The following STIL variants were observed in gnomAD, a reference collection of about 807,000 sequenced individuals.
STIL encodes SCL-interrupting locus protein.
In STIL, 55 loss-of-function variants were observed where a neutral mutation model predicts 110.1. The ratio of observed to expected loss-of-function variants is 0.50; its 90% CI spans 0.40 to 0.63. STIL has a LOEUF of 0.63. Among genes scored for constraint, STIL ranks in the 20% least tolerant of loss-of-function variants. The pLI is 0.00. For synonymous variants in STIL, 481 were observed against 530.0 expected, an observed-to-expected ratio of 0.91 and a Z score of 1.27; for missense variants, 1,358 against 1,530.0, an observed-to-expected ratio of 0.89 and a Z score of 1.87.
At chr1:47,267,443 A>T (rs1644685124) in intron 14 of STIL, among the ~76,000 whole-genome samples, 1 of 151,972 alleles carries the variant, frequency 6.6e-6, no homozygotes, top group Admixed American at 6.6e-5. Flanking sequence ...AGTGGCTCAT[A>T]CCAGTAATCC....
chr1:47,255,135 A>G (rs1644293979), intron 16 of STIL, among the ~76,000 whole-genome samples: 1 of 152,118 alleles, frequency 6.6e-6, no homozygotes, highest in Admixed American at 6.5e-5. Flanking sequence ...CTAAAAAAAA[A>G]ATCAATAATA....
At position 47,287,735 on chromosome 1, in the gene STIL, A is replaced by G. The variant is rs1045098198; in HGVS notation, c.1024-75T>C. On this transcript the variant is annotated intron_variant, in intron 9 of 16. Coordinates refer to ENST00000371877, the MANE Select transcript of STIL (RefSeq NM_001048166.1). ...AGAGAATTCTATTTAGATGAAAAGT[A>G]GCTCTGAAACACTAGATGATGGAGT... 7 of 1,147,864 alleles carry G rather than the reference A, an allele frequency of 6.1e-6. No individual in the cohort carries two copies. The African/African-American group carries it at 7.5e-5, about 12-fold the overall frequency. 71.1% of individuals were successfully genotyped at this position (1,147,864 alleles called of 1,614,324 possible). A position where few individuals can be genotyped will look rare whatever the true frequency, so the allele number is the denominator to read the frequency against.
At chr1:47,289,715 G>A in intron 8 of STIL, 130 bp from the exon 9 acceptor site, 2 of 855,936 alleles carry the variant, frequency 2.3e-6, no homozygotes, top group South Asian at 3.0e-5. Context: ...AAAAACTGGG[G>A]TCCACCACTT....
In STIL at chr1:47,287,599, G is replaced by T. The variant is rs769738843; in HGVS notation, c.1085C>A (p.Ala362Glu). 1 of 1,612,348 alleles carries T rather than the reference G, an allele frequency of 6.2e-7. No individual in the cohort carries two copies. The highest frequency in any genetic ancestry group is 8.5e-7 in the Non-Finnish European group (1 of 1,179,208). Reference protein sequence around the residue: ...RCELSAESQNAETEFFSKASK... With the variant: ...RCELSAESQNEETEFFSKASK... ...AGCCTTACTGAAAAACTCTGTTTCT[G>T]CATTTTGGCTTTCAGCGCTCAGTTC... The change falls in exon 10 of 17, where the codon GCA becomes GAA. Residue 362 changes from alanine (A) to glutamate (E), a missense_variant. By Grantham distance (107) the Ala-to-Glu change is moderately radical. Coordinates refer to ENST00000371877, the MANE Select transcript of STIL (RefSeq NM_001048166.1).
upstream of STIL, among the ~76,000 whole-genome samples, chr1:47,314,894 G>C (rs889051211): frequency 3.5e-4 from 51 of 144,616 alleles, no homozygotes; most frequent in Non-Finnish European, 7.2e-4. Flanking sequence ...ACCACGCCCG[G>C]CTAATTTTTT....
At chr1:47,266,947 A>G (rs1480490524) in intron 14 of STIL, among the ~76,000 whole-genome samples, 1 of 152,200 alleles carries the variant, frequency 6.6e-6, no homozygotes, top group Non-Finnish European at 1.5e-5. Flanking sequence ...CCTGTATCTC[A>G]GACTTCATTT....
At chr1:47,252,681 C>A (rs535384837) in intron 16 of STIL, among the ~76,000 whole-genome samples, 1 of 151,560 alleles carries the variant, frequency 6.6e-6, no homozygotes. Context: ...ACAGTACAAG[C>A]TTTAGTAAGT....
chr1:47,267,732 C>T (rs1644696364), intron 14 of STIL, among the ~76,000 whole-genome samples: 1 of 102,344 alleles, frequency 9.8e-6, no homozygotes, highest in Non-Finnish European at 2.1e-5. Flanking sequence ...TGTTTTGAGA[C>T]TTAGTCTTGC....
At chr1:47,282,716 A>C (rs1645186323) in intron 10 of STIL, 1 of 409,418 alleles carries the variant, frequency 2.4e-6, no homozygotes, top group Non-Finnish European at 4.5e-6. Context: ...ACAATAAATC[A>C]AGTCACTGGG....
intron 16 of STIL, among the ~76,000 whole-genome samples, chr1:47,255,540 C>A (rs1439977481): frequency 3.3e-5 from 4 of 119,946 alleles, no homozygotes; most frequent in South Asian, 3.8e-4. Context: ...CAGAGCGAGA[C>A]CCTGTCTCTC....
At chr1:47,271,828 A>G (rs1644849683) in intron 13 of STIL, among the ~76,000 whole-genome samples, 1 of 147,426 alleles carries the variant, frequency 6.8e-6, no homozygotes, top group Non-Finnish European at 1.5e-5. Context: ...AACAAAAAAC[A>G]AAAAAAAAAC....
intron 6 of STIL, among the ~76,000 whole-genome samples, chr1:47,298,590 T>C (rs1645707807): frequency 6.6e-6 from 1 of 151,812 alleles, no homozygotes; most frequent in African/African-American, 2.4e-5. Context: ...ATGAATTCTC[T>C]AGCCTCCCTT....
chr1:47,305,725 CTTTTTT>C (rs71572652), intron 2 of STIL, among the ~76,000 whole-genome samples: 6 of 43,418 alleles, frequency 1.4e-4, no homozygotes, highest in Non-Finnish European at 3.7e-5. Flanking sequence ...CACGCCTGGC[CTTTTTT>C]TTTTTTTTTT....
intron 5 of STIL, 100 bp downstream of exon 5, chr1:47,301,461 T>A: frequency 7.6e-7 from 1 of 1,319,934 alleles, no homozygotes; most frequent in Non-Finnish European, 1.1e-6. Flanking sequence ...AACCAAATTA[T>A]TGTAAATCAT....
Position 47,280,978 on chromosome 1 carries a change from G to A in STIL, c.1480C>T (p.Gln494Ter). The change falls in exon 12 of 17, where the codon CAG (glutamine) becomes TAG (stop). Residue 494 changes from glutamine (Q) to a stop codon, truncating the protein, a stop_gained. Coordinates refer to ENST00000371877, the MANE Select transcript of STIL (RefSeq NM_001048166.1). LOFTEE classifies it high-confidence loss of function. ...SLRGIPNQLNQDKPALLRHCK... is the reference protein window; with the variant it reads ...SLRGIPNQLN The stretch of plus-strand genomic sequence containing the variant: ...TGTCTCAAAAGAGCTGGTTTATCCT[G>A]GTTTAACTGATTTGGTATTCCTCTC... 1 of 1,614,008 alleles carries A rather than the reference G, an allele frequency of 6.2e-7. No individual in the cohort carries two copies. Among genetic ancestry groups the A allele is most frequent in the Non-Finnish European group, 8.5e-7 (1 of 1,179,988 alleles).
chr1:47,278,308 T>G (rs866568411), intron 12 of STIL, among the ~76,000 whole-genome samples: 9 of 152,272 alleles, frequency 5.9e-5, no homozygotes, highest in Admixed American at 2.0e-4. Flanking sequence ...GTTCTATATA[T>G]ACTTATATAA....
At chr1:47,265,253 A>AAAAAAAAAAAC in intron 14 of STIL, among the ~76,000 whole-genome samples, 1 of 149,710 alleles carries the variant, frequency 6.7e-6, no homozygotes, top group African/African-American at 2.4e-5. Flanking sequence ...AAAAAAAAAA[A>AAAAAAAAAAAC]AAAAAAACAC....
intron 9 of STIL, among the ~76,000 whole-genome samples, chr1:47,288,584 G>C (rs190224304): frequency 2.0e-5 from 3 of 151,806 alleles, no homozygotes; most frequent in Admixed American, 2.0e-4. Flanking sequence ...GGTGTGAGCC[G>C]CCACGCCTGG....
Position 47,293,694 on chromosome 1 carries a change from A to G in STIL, c.786-150T>C, listed in dbSNP as rs536371517. ...ATAAGAAATCTAAAAACGTGCTGAT[A>G]ATTAAAAGGAAGAATATATAGACAT... On this transcript the variant is annotated intron_variant, in intron 7 of 16. Coordinates refer to ENST00000371877, the MANE Select transcript of STIL (RefSeq NM_001048166.1). 8.2e-6 allele frequency: 5 copies of G among 606,218 alleles called. No individual in the cohort carries two copies. In the South Asian group the frequency reaches 9.4e-5, roughly 11 times the overall value. 37.6% of individuals were successfully genotyped at this position (606,218 alleles called of 1,614,324 possible). A position where few individuals can be genotyped will look rare whatever the true frequency, so the allele number is the denominator to read the frequency against.
Sources: allele counts gnomAD v4.1 joint callset (sites outside exome capture counted in the v4.1 genomes callset), GRCh38; gene constraint gnomAD v4.1.1; transcripts MANE v1.5; gene names NCBI Gene and HGNC (gene_info 2026-07-23, HGNC 2026-07-21).